The following PTPRZ1 variants were observed in gnomAD, a reference collection of about 807,000 sequenced individuals.
PTPRZ1 encodes receptor-type tyrosine-protein phosphatase zeta.
A neutral mutation model predicts 214.1 loss-of-function variants in PTPRZ1; 82 were observed. The observed-to-expected ratio is 0.38, with a 90% CI of 0.32 to 0.46. The LOEUF (loss-of-function observed/expected upper bound fraction) is 0.46. Ranked by LOEUF, PTPRZ1 falls within the 20% of genes least tolerant of loss-of-function variation. PTPRZ1 has a pLI of 1.00. For synonymous variants in PTPRZ1, 945 were observed against 987.9 expected, an observed-to-expected ratio of 0.96 and a Z score of 0.81; for missense variants, 2,603 against 2,748.7, an observed-to-expected ratio of 0.95 and a Z score of 1.19.
chr7:121,922,077 C>G (rs1210356095), intron 1 of PTPRZ1, among the ~76,000 whole-genome samples: 1 of 152,136 alleles, frequency 6.6e-6, no homozygotes, highest in Non-Finnish European at 1.5e-5. Flanking sequence ...TTTGTAGACT[C>G]TGTACTCGTG....
At chr7:121,917,938 T>G (rs1795472604) in intron 1 of PTPRZ1, among the ~76,000 whole-genome samples, 3 of 152,138 alleles carry the variant, frequency 2.0e-5, no homozygotes, top group Admixed American at 1.3e-4. Flanking sequence ...TAAAAGATAC[T>G]GGCAAATTGA....
At chr7:122,051,087 C>T (rs1339201254) in intron 23 of PTPRZ1, among the ~76,000 whole-genome samples, 1 of 151,930 alleles carries the variant, frequency 6.6e-6, no homozygotes, top group Non-Finnish European at 1.5e-5. Flanking sequence ...TACACACACA[C>T]GATGTAATTT....
Position 122,012,134 on chromosome 7 carries a change from A to G in PTPRZ1, c.3088A>G (p.Thr1030Ala). The change falls in exon 12 of 30, where the codon ACA becomes GCA. Residue 1030 changes from threonine (T) to alanine (A), a missense_variant. Around this residue, in one of 6 missense-constraint regions of PTPRZ1, gnomAD observed 1,913 missense variants for 1,914.3 expected, o/e 1.00. Transcript: ENST00000393386. The stretch of plus-strand genomic sequence containing the variant: ...TGTTTCTGTAGCTGAATTTACATAT[A>G]CAACATCTGTGTTTGGTGATGATAA... The part of the protein sequence containing the change: ...SPVSVAEFTY[T>A]TSVFGDDNKA... The G allele has an allele frequency of 6.2e-7, 1 of 1,613,898 alleles. No homozygotes were observed. The highest frequency in any genetic ancestry group is 8.5e-7 in the Non-Finnish European group (1 of 1,179,748).
intron 8 of PTPRZ1, 112 bp downstream of exon 8, chr7:121,984,229 A>T: frequency 1.0e-6 from 1 of 960,098 alleles, no homozygotes. Context: ...TGTTTTAATT[A>T]TTAATTTTGT....
intron 26 of PTPRZ1, 86 bp downstream of exon 26, chr7:122,054,124 AAAGTAATT>A: frequency 6.8e-7 from 1 of 1,463,314 alleles, no homozygotes; most frequent in Non-Finnish European, 9.3e-7. Flanking sequence ...ACAAACAAGC[AAAGTAATT>A]TTGTTTTCAA....
chr7:122,018,640 A>G (rs1246718935), intron 12 of PTPRZ1, among the ~76,000 whole-genome samples: 1 of 152,166 alleles, frequency 6.6e-6, no homozygotes, highest in Admixed American at 6.6e-5. Flanking sequence ...AAGAAGAGTT[A>G]TCCCAAGATT....
intron 27 of PTPRZ1, among the ~76,000 whole-genome samples, chr7:122,056,338 A>T (rs566944853): frequency 4.5e-4 from 69 of 152,018 alleles, no homozygotes; most frequent in Admixed American, 1.2e-3. Flanking sequence ...TAGATAATAC[A>T]GGTTCCTGAT....
intron 10 of PTPRZ1, among the ~76,000 whole-genome samples, chr7:122,003,139 A>G (rs1798378097): frequency 6.6e-6 from 1 of 152,198 alleles, no homozygotes; most frequent in African/African-American, 2.4e-5. Context: ...AACGTAAAGA[A>G]TAAAGAGCAT....
chr7:121,890,354 C>T (rs998132484), intron 1 of PTPRZ1, among the ~76,000 whole-genome samples: 14 of 152,154 alleles, frequency 9.2e-5, no homozygotes, highest in African/African-American at 3.1e-4. Flanking sequence ...ATCTCTCTTA[C>T]AGCCTACACA....
intron 1 of PTPRZ1, among the ~76,000 whole-genome samples, chr7:121,892,272 C>T (rs77144395): frequency 0.054 from 8,224 of 152,070 alleles, 564 homozygotes; most frequent in African/African-American, 0.16. Context: ...TTGGTTACAA[C>T]GTTTTTTCTT....
At chr7:121,918,372 A>G (rs1252709834) in intron 1 of PTPRZ1, among the ~76,000 whole-genome samples, 4 of 152,144 alleles carry the variant, frequency 2.6e-5, no homozygotes, top group Non-Finnish European at 2.9e-5. Context: ...TCTGATCATC[A>G]TGGCCAATAA....
At chr7:122,018,705 A>G (rs1798920140) in intron 12 of PTPRZ1, among the ~76,000 whole-genome samples, 1 of 152,196 alleles carries the variant, frequency 6.6e-6, no homozygotes, top group South Asian at 2.1e-4. Context: ...TGCAGGGTTA[A>G]AAATAATCCT....
chr7:122,056,510 AC>A (rs1286751753), intron 27 of PTPRZ1, among the ~76,000 whole-genome samples: 1 of 151,894 alleles, frequency 6.6e-6, no homozygotes, highest in Non-Finnish European at 1.5e-5. Flanking sequence ...ATTTTTAGGC[AC>A]TTTAACCAAA....
chr7:122,014,924 A>G (rs1042041836), intron 12 of PTPRZ1, among the ~76,000 whole-genome samples: 1 of 152,206 alleles, frequency 6.6e-6, no homozygotes, highest in Admixed American at 6.5e-5. Context: ...TTTAAGTTAA[A>G]TAATGGGCAT....
intron 2 of PTPRZ1, among the ~76,000 whole-genome samples, chr7:121,932,665 A>G (rs1795958987): frequency 6.6e-6 from 1 of 152,168 alleles, no homozygotes; most frequent in Non-Finnish European, 1.5e-5. Context: ...GCTTGTCTGT[A>G]AAAGAACTAA....
intron 2 of PTPRZ1, among the ~76,000 whole-genome samples, chr7:121,935,760 G>C (rs1047177634): frequency 3.3e-5 from 5 of 152,048 alleles, no homozygotes; most frequent in African/African-American, 9.6e-5. Flanking sequence ...AGTAGAGATG[G>C]GGTTTCACCG....
intron 2 of PTPRZ1, among the ~76,000 whole-genome samples, chr7:121,954,981 C>T (rs1796660669): frequency 6.6e-6 from 1 of 152,176 alleles, no homozygotes; most frequent in South Asian, 2.1e-4. Context: ...GAACCGATGA[C>T]TCAAATAGGA....
At chr7:121,922,745 G>A (rs142390382) in intron 1 of PTPRZ1, among the ~76,000 whole-genome samples, 220 of 152,212 alleles carry the variant, frequency 1.4e-3, no homozygotes, top group Admixed American at 4.0e-3. Context: ...ATTCTTTGGT[G>A]GATGATAACC....
chr7:122,035,864 A>G (rs545043442), intron 17 of PTPRZ1, among the ~76,000 whole-genome samples: 2 of 152,314 alleles, frequency 1.3e-5, no homozygotes, highest in South Asian at 4.1e-4. Context: ...TTTTCTCCAA[A>G]TAAATAGTTT....
Sources: allele counts gnomAD v4.1 joint callset (sites outside exome capture counted in the v4.1 genomes callset), GRCh38; gene constraint gnomAD v4.1.1; regional missense constraint gnomAD v4.1.1; transcripts MANE v1.5; gene names NCBI Gene and HGNC (gene_info 2026-07-23, HGNC 2026-07-21).